Variants in PLCG2 observed in about 807,000 individuals in gnomAD.
PLCG2 encodes the protein 1-phosphatidylinositol 4,5-bisphosphate phosphodiesterase gamma-2.
A neutral mutation model predicts 175.6 loss-of-function variants in PLCG2; 69 were observed. That is an observed-to-expected ratio of 0.39 (90% CI 0.32 to 0.48). The LOEUF (loss-of-function observed/expected upper bound fraction) is 0.48, where lower values mean the gene tolerates loss of function less well. Among genes scored for constraint, PLCG2 ranks in the 20% least tolerant of loss-of-function variants. The pLI is 0.91. For missense variants in PLCG2, 1,798 were observed against 1,650.9 expected (o/e 1.09, Z -1.54); for synonymous variants, 827 against 624.0 (o/e 1.33, Z -4.85).
chr16:81,825,400 T>C (rs1157518657), intron 2 of PLCG2, among the ~76,000 whole-genome samples: 2 of 151,846 alleles, frequency 1.3e-5, no homozygotes, highest in Non-Finnish European at 2.9e-5. Context: ...GCCATTCTCT[T>C]GCTTCAGCTT....
chr16:81,927,044 C>T (rs1288255968), intron 22 of PLCG2, 38 bp from the exon 23 acceptor site: 1 of 1,383,042 alleles, frequency 7.2e-7, no homozygotes, highest in Non-Finnish European at 1.0e-6. Flanking sequence ...TTCATGCCAC[C>T]TGGTGACAGC....
chr16:81,890,305 G>T (rs1457311433), intron 10 of PLCG2, among the ~76,000 whole-genome samples: 2 of 152,078 alleles, frequency 1.3e-5, no homozygotes, highest in Admixed American at 6.5e-5. Flanking sequence ...AGTTTATTTT[G>T]GGGGAAGGGC....
intron 2 of PLCG2, among the ~76,000 whole-genome samples, chr16:81,841,552 T>C (rs13335344): frequency 0.13 from 20,017 of 152,208 alleles, 1,338 homozygotes; most frequent in South Asian, 0.2. Flanking sequence ...TAAACTTTAC[T>C]TTTTGCAAAG....
intron 2 of PLCG2, among the ~76,000 whole-genome samples, chr16:81,843,378 G>A (rs1905938493): frequency 6.6e-6 from 1 of 152,110 alleles, no homozygotes; most frequent in Non-Finnish European, 1.5e-5. Flanking sequence ...TTCCTTCTTA[G>A]CTGAATCCAG....
At chr16:81,837,433 T>G (rs1353719413) in intron 2 of PLCG2, among the ~76,000 whole-genome samples, 1 of 152,226 alleles carries the variant, frequency 6.6e-6, no homozygotes, top group Non-Finnish European at 1.5e-5. Context: ...TGCATGAACA[T>G]CTATTTCTAG....
chr16:81,777,408 T>A (rs986421436), upstream of PLCG2, among the ~76,000 whole-genome samples: 6 of 147,564 alleles, frequency 4.1e-5, no homozygotes, highest in Non-Finnish European at 7.5e-5. Context: ...GTGAAAAAGA[T>A]TGGTTGAAAT....
intron 2 of PLCG2, among the ~76,000 whole-genome samples, chr16:81,796,157 C>T (rs1401879362): frequency 2.0e-5 from 3 of 152,244 alleles, no homozygotes; most frequent in Non-Finnish European, 4.4e-5. Flanking sequence ...GCACTGAGGA[C>T]TTTCCTGTCT....
At chr16:81,942,768 G>A (rs1910997867) in intron 30 of PLCG2, among the ~76,000 whole-genome samples, 2 of 152,194 alleles carry the variant, frequency 1.3e-5, no homozygotes, top group South Asian at 4.1e-4. Context: ...ACCCAGGAAT[G>A]TCTAATTAAT....
At chr16:81,803,546 T>G (rs1911841553) in intron 2 of PLCG2, among the ~76,000 whole-genome samples, 1 of 136,686 alleles carries the variant, frequency 7.3e-6, no homozygotes, top group African/African-American at 2.7e-5. Flanking sequence ...TTTTCTTTCT[T>G]TCCTTTCTTT....
chr16:81,836,015 A>T (rs1357945237), intron 2 of PLCG2, among the ~76,000 whole-genome samples: 1 of 152,210 alleles, frequency 6.6e-6, no homozygotes, highest in Non-Finnish European at 1.5e-5. Context: ...AAAGAAGGCC[A>T]CATTCACACA....
At position 81,908,416 on chromosome 16, in the gene PLCG2, G is replaced by T. The variant is rs1348054495; in HGVS notation, c.1558G>T (p.Asp520Tyr). The change falls in exon 17 of 33, where the codon GAT (aspartate) becomes TAT (tyrosine). Residue 520 changes from aspartate (D) to tyrosine (Y), a missense_variant and splice_region_variant. By Grantham distance (160) the Asp-to-Tyr change is radical. Transcript: ENST00000564138. ...EQTMEEEVPQDIPPTELHFGE... is the reference protein window; with the variant it reads ...EQTMEEEVPQYIPPTELHFGE... Reference sequence around the variant, plus strand: ...AACCCCTCCTCTCTTTGCGGCCCAGGATATACCCCCTACAGAACTACATTT... The same window carrying T: ...AACCCCTCCTCTCTTTGCGGCCCAGTATATACCCCCTACAGAACTACATTT... 14 of 1,613,500 alleles carry T rather than the reference G, an allele frequency of 8.7e-6. No individual in the cohort carries two copies. The highest frequency in any genetic ancestry group is 1.3e-5 in the African/African-American group (1 of 74,908).
chr16:81,842,026 A>G (rs1027981825), intron 2 of PLCG2, among the ~76,000 whole-genome samples: 6 of 152,160 alleles, frequency 3.9e-5, no homozygotes, highest in Non-Finnish European at 8.8e-5. Flanking sequence ...TTTTTATTTC[A>G]TGTTATTTCA....
chr16:81,860,172 A>ATTATTATTATTATT (rs763047744), intron 5 of PLCG2, among the ~76,000 whole-genome samples: 17 of 120,610 alleles, frequency 1.4e-4, no homozygotes, highest in Middle Eastern at 4.4e-3. Context: ...TATTATTATT[A>ATTATTATTATTATT]TTTTTTTTTT....
At chr16:81,905,724 T>A (rs776035006) in intron 15 of PLCG2, among the ~76,000 whole-genome samples, 7 of 152,200 alleles carry the variant, frequency 4.6e-5, no homozygotes, top group Non-Finnish European at 8.8e-5. Flanking sequence ...AGTGGTGTGA[T>A]TGCGGCTCAC....
intron 19 of PLCG2, among the ~76,000 whole-genome samples, chr16:81,915,772 C>G (rs200303846): frequency 1.3e-5 from 2 of 151,208 alleles, no homozygotes; most frequent in African/African-American, 4.9e-5. Context: ...GGCTCTGTAC[C>G]TCGGCACCCC....
intron 9 of PLCG2, among the ~76,000 whole-genome samples, chr16:81,888,863 A>G (rs1297926052): frequency 2.0e-5 from 3 of 152,234 alleles, no homozygotes; most frequent in Admixed American, 2.0e-4. Flanking sequence ...GAATACAACC[A>G]TGCCCATTTG....
chr16:81,911,289 A>C (rs1037190002), intron 18 of PLCG2, among the ~76,000 whole-genome samples: 4 of 152,224 alleles, frequency 2.6e-5, no homozygotes, highest in African/African-American at 9.6e-5. Flanking sequence ...AAAACTTGCT[A>C]TTTCTTATCT....
chr16:81,889,188 A>G lies in PLCG2; in HGVS notation c.782A>G (p.Asp261Gly). 6.3e-7 allele frequency: 1 copy of G among 1,598,114 alleles called. No individual in the cohort carries two copies. Among genetic ancestry groups the G allele is most frequent in the Non-Finnish European group, 8.6e-7 (1 of 1,169,372 alleles). The change falls in exon 10 of 33, where the codon GAT becomes GGT. Residue 261 changes from aspartate (D) to glycine (G), a missense_variant. Physicochemically the swap from Asp to Gly is moderately conservative, Grantham distance 94 (BLOSUM62 -1). Coordinates refer to ENST00000564138, the MANE Select transcript of PLCG2 (RefSeq NM_002661.5). ...IHEQQEHWAQ[D>G]LNKVRERMTK... ...CATTTTAAGGAGCATTGGGCTCAGGATCTGAACAAAGTCCGTGAGCGGATG... is the reference window on the plus strand; with the variant it reads ...CATTTTAAGGAGCATTGGGCTCAGGGTCTGAACAAAGTCCGTGAGCGGATG...
intron 27 of PLCG2, among the ~76,000 whole-genome samples, chr16:81,936,763 A>G (rs1269668689): frequency 6.6e-6 from 1 of 152,246 alleles, no homozygotes; most frequent in African/African-American, 2.4e-5. Context: ...CATAACTAAC[A>G]TACACAAACT....
Sources: allele counts gnomAD v4.1 joint callset (sites outside exome capture counted in the v4.1 genomes callset), GRCh38; gene constraint gnomAD v4.1.1; transcripts MANE v1.5; gene names NCBI Gene and HGNC (gene_info 2026-07-23, HGNC 2026-07-21).